The following TOM1L1 variants were observed in gnomAD, a reference collection of about 807,000 sequenced individuals.
TOM1L1 encodes TOM1-like protein 1.
In TOM1L1, 64 loss-of-function variants were observed where a neutral mutation model predicts 63.4. The ratio of observed to expected loss-of-function variants is 1.01; its 90% CI spans 0.83 to 1.24. The LOEUF (loss-of-function observed/expected upper bound fraction) is 1.24, where lower values mean the gene tolerates loss of function less well. Among genes scored for constraint, TOM1L1 ranks in the 50% most tolerant of loss-of-function variants. The pLI, the probability that TOM1L1 is intolerant of heterozygous loss-of-function variation, is 0.00. For synonymous variants in TOM1L1, 166 were observed against 194.4 expected (o/e 0.85, Z 1.22); for missense variants, 536 against 567.0 (o/e 0.95, Z 0.55).
At chr17:54,934,479 G>T (rs748446421) in intron 8 of TOM1L1, among the ~76,000 whole-genome samples, 3 of 152,098 alleles carry the variant, frequency 2.0e-5, no homozygotes, top group Non-Finnish European at 2.9e-5. Context: ...GAGGGTGGGC[G>T]TTACTGTATC....
intron 13 of TOM1L1, 94 bp downstream of exon 13, chr17:54,949,717 T>C: frequency 1.9e-6 from 2 of 1,036,080 alleles, no homozygotes; most frequent in South Asian, 2.7e-5. Context: ...ATAGGAGAAA[T>C]TAGAGATGCT....
Position 54,941,931 on chromosome 17 carries a change from T to G in TOM1L1, c.1130+2911T>G, listed in dbSNP as rs531740849. ...GTTTAAATCATATGCCTAAGATCAC[T>G]TGTGAGAGGCAAAATCAGCCATTAA... On this transcript the variant is annotated intron_variant, in intron 11 of 15. Transcript: ENST00000575882. Among the ~76,000 whole-genome samples, 4 of 152,328 alleles carry G rather than the reference T, an allele frequency of 2.6e-5. No homozygotes were observed. The East Asian group carries it at 7.7e-4, about 29-fold the overall frequency.
chr17:54,918,297 A>T (rs994239333), intron 7 of TOM1L1, among the ~76,000 whole-genome samples: 1 of 152,218 alleles, frequency 6.6e-6, no homozygotes, highest in Non-Finnish European at 1.5e-5. Context: ...AAAAACAAAC[A>T]AAACAGCTAG....
chr17:54,943,237 T>C (rs1250174421), intron 11 of TOM1L1, among the ~76,000 whole-genome samples: 4 of 152,168 alleles, frequency 2.6e-5, no homozygotes, highest in Admixed American at 6.5e-5. Context: ...TGCATTTTTA[T>C]ATATTCTCAT....
chr17:54,918,910 A>C (rs1464981134), intron 7 of TOM1L1, among the ~76,000 whole-genome samples: 1 of 152,216 alleles, frequency 6.6e-6, no homozygotes, highest in African/African-American at 2.4e-5. Flanking sequence ...ATTCTGCAGA[A>C]CATCAGGGTA....
chr17:54,922,635 T>C (rs1451197907), intron 7 of TOM1L1, among the ~76,000 whole-genome samples: 1 of 152,158 alleles, frequency 6.6e-6, no homozygotes, highest in African/African-American at 2.4e-5. Flanking sequence ...AAGAAAATTA[T>C]AAGGAAGAGA....
chr17:54,957,290 GTAT>G (rs1219542399), intron 14 of TOM1L1: 1 of 152,200 alleles, frequency 6.6e-6, no homozygotes. Flanking sequence ...AGTCCACTAT[GTAT>G]TTTTTCCTAA....
intron 7 of TOM1L1, among the ~76,000 whole-genome samples, chr17:54,920,706 G>A (rs1050913633): frequency 2.0e-5 from 3 of 152,192 alleles, no homozygotes; most frequent in African/African-American, 2.4e-5. Context: ...TGTCTGAGCC[G>A]CTAAGTCAGG....
chr17:54,911,418 G>A (rs1417847822), intron 3 of TOM1L1, among the ~76,000 whole-genome samples: 1 of 152,016 alleles, frequency 6.6e-6, no homozygotes, highest in Admixed American at 6.6e-5. Context: ...AACTATAGCT[G>A]TGTGTGTCCA....
intron 3 of TOM1L1, among the ~76,000 whole-genome samples, chr17:54,906,531 G>A (rs563925810): frequency 2.6e-5 from 4 of 151,800 alleles, no homozygotes; most frequent in Non-Finnish European, 5.9e-5. Flanking sequence ...TTTAAGATGA[G>A]GAGAATTGAA....
chr17:54,921,538 G>A lies in TOM1L1; in HGVS notation c.720+5676G>A, dbSNP rs531029686. 1.4e-4 allele frequency among the ~76,000 whole-genome samples: 22 copies of A among 152,112 alleles called. No homozygotes were observed. The East Asian group carries it at 3.5e-3, about 24-fold the overall frequency. On this transcript the variant is annotated intron_variant, in intron 7 of 15. Coordinates refer to ENST00000575882, the MANE Select transcript of TOM1L1 (RefSeq NM_005486.3). ...GTGGATCACTTGAGGTCAGGAGCTC[G>A]AGACCAGCCTGGCCAACATGTGAAA...
chr17:54,903,797 G>A lies in TOM1L1; in HGVS notation c.143+5G>A. On this transcript the variant is annotated splice_donor_5th_base_variant and intron_variant, in intron 2 of 15. Coordinates refer to ENST00000575882, the MANE Select transcript of TOM1L1 (RefSeq NM_005486.3). Reference sequence around the variant, plus strand: ...AATTAACACTACCCAGGATGGGTGAGTACAGCATGGTTTCCATGTATTTGC... The same window carrying A: ...AATTAACACTACCCAGGATGGGTGAATACAGCATGGTTTCCATGTATTTGC... 1 of 1,610,546 alleles carries A rather than the reference G, an allele frequency of 6.2e-7. No individual in the cohort carries two copies. Among genetic ancestry groups the A allele is most frequent in the Non-Finnish European group, 8.5e-7 (1 of 1,176,976 alleles).
chr17:54,925,313 G>A (rs1017377546), intron 7 of TOM1L1, among the ~76,000 whole-genome samples: 3 of 152,138 alleles, frequency 2.0e-5, no homozygotes, highest in African/African-American at 4.8e-5. Flanking sequence ...TGCCTTTGGT[G>A]GAAGGAGTGG....
chr17:54,909,709 G>A (rs1265888938), intron 3 of TOM1L1, among the ~76,000 whole-genome samples: 1 of 152,190 alleles, frequency 6.6e-6, no homozygotes, highest in Non-Finnish European at 1.5e-5. Context: ...CTTAGGATAA[G>A]TGATTTGCCC....
At chr17:54,952,102 A>G (rs1208668189) in intron 14 of TOM1L1, 1 of 152,148 alleles carries the variant, frequency 6.6e-6, no homozygotes, top group Non-Finnish European at 1.5e-5. Context: ...TACAGTTGAA[A>G]TTTTTCTAAT....
intron 9 of TOM1L1, 149 bp downstream of exon 9, chr17:54,936,858 A>G (rs2048955661): frequency 3.0e-6 from 2 of 659,574 alleles, no homozygotes; most frequent in Admixed American, 3.4e-5. Context: ...ACTTGCCTTA[A>G]TAACTTAATG....
At chr17:54,944,449 CAA>C (rs34562804) in intron 11 of TOM1L1, among the ~76,000 whole-genome samples, 30,931 of 142,758 alleles carry the variant, frequency 0.22, 3,714 homozygotes, top group Non-Finnish European at 0.28. Context: ...GACTCTATCT[CAA>C]AAAAAAAAAA....
At chr17:54,917,577 G>A (rs181355735) in intron 7 of TOM1L1, 1 of 151,998 alleles carries the variant, frequency 6.6e-6, no homozygotes, top group South Asian at 2.1e-4. Flanking sequence ...TCTTTCCAAG[G>A]ATAATAATTA....
rs1184885288 is a variant in TOM1L1 at position 54,937,163 on chromosome 17, C to G, written c.970C>G (p.Pro324Ala). The stretch of plus-strand genomic sequence containing the variant: ...AGATCTCCTCGACCTAAGTCCCAGT[C>G]CCCGGATGCCTAGGGCCACTCTGGG... ...SQDLLDLSPSPRMPRATLGEL... is the reference protein window; with the variant it reads ...SQDLLDLSPSARMPRATLGEL... The change falls in exon 10 of 16, where the codon CCC (proline) becomes GCC (alanine). Residue 324 changes from proline (P) to alanine (A), a missense_variant. Physicochemically the swap from Pro to Ala is conservative, Grantham distance 27. Transcript: ENST00000575882. 6.2e-7 allele frequency: 1 copy of G among 1,613,570 alleles called. No homozygotes were observed. The highest frequency in any genetic ancestry group is 1.1e-5 in the South Asian group (1 of 91,052).
Sources: allele counts gnomAD v4.1 joint callset (sites outside exome capture counted in the v4.1 genomes callset), GRCh38; gene constraint gnomAD v4.1.1; transcripts MANE v1.5; gene names NCBI Gene and HGNC (gene_info 2026-07-23, HGNC 2026-07-21).